TTC6: variants seen among roughly 807,000 people sequenced by gnomAD.
TTC6 encodes the protein tetratricopeptide repeat domain 6.
A neutral mutation model predicts 210.4 loss-of-function variants in TTC6; 172 were observed. The ratio of observed to expected loss-of-function variants is 0.82; its 90% confidence interval spans 0.72 to 0.93. The LOEUF (loss-of-function observed/expected upper bound fraction) is 0.93. Among genes scored for constraint, TTC6 ranks in the 40% least tolerant of loss-of-function variants. TTC6 has a pLI of 0.00. For missense variants in TTC6, 2,414 were observed against 2,318.1 expected (o/e 1.04, Z -0.85); for synonymous variants, 804 against 819.6 (o/e 0.98, Z 0.32).
chr14:37,693,152 A>C (rs1280523334), intron 3 of TTC6, among the ~76,000 whole-genome samples: 1 of 152,122 alleles, frequency 6.6e-6, no homozygotes, highest in East Asian at 1.9e-4. Flanking sequence ...AAAAACCAAA[A>C]GACTCCACAA....
Position 37,696,854 on chromosome 14 carries a change from T to A in TTC6, c.1376+19T>A. The A allele has an allele frequency of 8.8e-7, 1 of 1,135,804 alleles. No individual in the cohort carries two copies. The highest frequency in any genetic ancestry group is 1.2e-6 in the Non-Finnish European group (1 of 864,748). The allele number at this position is 1,135,804 out of a possible 1,614,324, so 70.4% of individuals were successfully genotyped here. A position where few individuals can be genotyped will look rare whatever the true frequency, so the allele number is the denominator to read the frequency against. On this transcript the variant is annotated intron_variant, in intron 4 of 30. Coordinates refer to ENST00000553443, the Ensembl canonical transcript of TTC6. ...ATAAAAAGTAATTTTCTTAAATTTA[T>A]AATTTTTCTATTGGGAGAGGAGTTA...
intron 14 of TTC6, among the ~76,000 whole-genome samples, chr14:37,782,135 TTAAAG>T (rs1205591997): frequency 6.6e-6 from 1 of 152,186 alleles, no homozygotes; most frequent in Non-Finnish European, 1.5e-5. Flanking sequence ...CATATGAACT[TTAAAG>T]TAGTTTTTTT....
intron 1 of TTC6, among the ~76,000 whole-genome samples, chr14:37,663,499 ATTAT>A (rs879574907): frequency 2.0e-5 from 3 of 152,156 alleles, no homozygotes; most frequent in South Asian, 2.1e-4. Context: ...TTTTTTAAAC[ATTAT>A]TTATTATGAT....
chr14:37,825,901 G>A (rs955999334), intron 27 of TTC6, among the ~76,000 whole-genome samples: 10 of 152,006 alleles, frequency 6.6e-5, no homozygotes, highest in African/African-American at 1.4e-4. Flanking sequence ...AACCACTGGC[G>A]TTTCACATGG....
intron 1 of TTC6, among the ~76,000 whole-genome samples, chr14:37,596,978 T>TA (rs1370079690): frequency 1.4e-5 from 2 of 142,264 alleles, no homozygotes; most frequent in African/African-American, 5.2e-5. Flanking sequence ...GTTAAGGAAA[T>TA]AAAAAAAGAT....
chr14:37,797,050 A>G, intron 20 of TTC6, 103 bp downstream of exon 22: 10 of 1,086,704 alleles, frequency 9.2e-6, no homozygotes, highest in Non-Finnish European at 1.2e-5. Context: ...AAGTCATACT[A>G]TTTATTTTCT....
At chr14:37,668,130 A>T (rs1258338369) in intron 1 of TTC6, among the ~76,000 whole-genome samples, 1 of 149,996 alleles carries the variant, frequency 6.7e-6, no homozygotes, top group Non-Finnish European at 1.5e-5. Context: ...GTGAGACTTC[A>T]TCTAAAAAAA....
At chr14:37,656,383 C>T (rs534979543) in intron 1 of TTC6, among the ~76,000 whole-genome samples, 1 of 152,198 alleles carries the variant, frequency 6.6e-6, no homozygotes, top group East Asian at 1.9e-4. Flanking sequence ...TACTATGTAC[C>T]AGATATTGTT....
chr14:37,598,805 T>A lies in TTC6; in HGVS notation c.-235+2797T>A, dbSNP rs1458808556. Among the ~76,000 whole-genome samples the A allele has an allele frequency of 6.6e-6, 1 of 152,150 alleles. No individual in the cohort carries two copies. Among genetic ancestry groups the A allele is most frequent in the Non-Finnish European group, 1.5e-5 (1 of 68,018 alleles). On this transcript the variant is annotated intron_variant, in intron 1 of 2. Transcript: ENST00000556845. The surrounding 1 kb of genome is among the most constrained non-coding windows in gnomAD (Gnocchi z 4.9). ...CATTCGAGTCTCTCCAGGGCTTCCC[T>A]CTGTGGCTGTCCCTCGCCTGCCCCC...
chr14:37,828,297 C>T (rs2096177001), intron 29 of TTC6, among the ~76,000 whole-genome samples: 1 of 151,980 alleles, frequency 6.6e-6, no homozygotes, highest in Non-Finnish European at 1.5e-5. Flanking sequence ...TTTATAGTCA[C>T]TCTTTTTTCT....
chr14:37,781,256 G>A (rs1284994164), intron 14 of TTC6, among the ~76,000 whole-genome samples: 3 of 152,146 alleles, frequency 2.0e-5, no homozygotes, highest in Admixed American at 6.5e-5. Context: ...CAGTGTAAAA[G>A]TGTTCCTATT....
At chr14:37,825,836 TAC>T (rs1379044321) in intron 27 of TTC6, among the ~76,000 whole-genome samples, 1 of 152,076 alleles carries the variant, frequency 6.6e-6, no homozygotes, top group Non-Finnish European at 1.5e-5. Context: ...ACCAAATAAA[TAC>T]AATCCCTCCT....
rs1174177671 is a variant in TTC6 at position 37,767,098 on chromosome 14, T to A, written c.3266+13863T>A. On this transcript the variant is annotated intron_variant, in intron 14 of 30. Transcript: ENST00000553443. ...GTTTACTGAGAATGATGATTTCCAATTTCATCCATGTCCCTACAAAGGACA... is the reference window on the plus strand; with the variant it reads ...GTTTACTGAGAATGATGATTTCCAAATTCATCCATGTCCCTACAAAGGACA... Among the ~76,000 whole-genome samples, 5 of 152,168 alleles carry A rather than the reference T, an allele frequency of 3.3e-5. 1 individual carries two copies. Among genetic ancestry groups the A allele is most frequent in the Admixed American group, 3.3e-4 (5 of 15,274 alleles).
exon 24 of TTC6, chr14:37,808,768 T>G: frequency 6.6e-7 from 1 of 1,522,684 alleles, no homozygotes; most frequent in South Asian, 1.3e-5. Context: ...TAACTACAGC[T>G]ATCAGCATGG....
At chr14:37,835,126 G>A (rs1226614080) in intron 29 of TTC6, among the ~76,000 whole-genome samples, 1 of 152,168 alleles carries the variant, frequency 6.6e-6, no homozygotes, top group African/African-American at 2.4e-5. Flanking sequence ...TGCACTCCTG[G>A]CAGGGCACAT....
chr14:37,792,562 CTAAT>C (rs1312889415), intron 17 of TTC6, 148 bp downstream of exon 19: 4 of 555,818 alleles, frequency 7.2e-6, no homozygotes, highest in African/African-American at 3.9e-5. Flanking sequence ...GTAGTTAACT[CTAAT>C]TACTCATTTA....
chr14:37,652,929 T>C (rs1469072747), intron 1 of TTC6, among the ~76,000 whole-genome samples: 1 of 152,256 alleles, frequency 6.6e-6, no homozygotes, highest in African/African-American at 2.4e-5. Context: ...AGCTGCTTTT[T>C]CCTATACAGT....
intron 2 of TTC6, among the ~76,000 whole-genome samples, chr14:37,608,903 GAA>G (rs1303323090): frequency 1.3e-5 from 2 of 152,130 alleles, no homozygotes; most frequent in Non-Finnish European, 2.9e-5. Flanking sequence ...GTGGTGGTTG[GAA>G]AGTGGCAAAA....
chr14:37,816,838 G>A (rs1369116230), intron 25 of TTC6, among the ~76,000 whole-genome samples: 4 of 152,078 alleles, frequency 2.6e-5, no homozygotes, highest in Non-Finnish European at 5.9e-5. Context: ...ACTTTGAAAA[G>A]CCATGAGCTT....
Sources: allele counts gnomAD v4.1 joint callset (sites outside exome capture counted in the v4.1 genomes callset), GRCh38; gene constraint gnomAD v4.1.1; non-coding constraint Gnocchi (gnomAD v3.1); transcripts MANE v1.5; gene names NCBI Gene and HGNC (gene_info 2026-07-23, HGNC 2026-07-21).